Variants in SOX6 observed in about 807,000 individuals in gnomAD.
The protein encoded by SOX6 is transcription factor SOX-6.
Under a neutral mutation model 97.8 loss-of-function variants are expected in SOX6, and 11 were observed. That is an observed-to-expected ratio of 0.11 (90% CI 0.07 to 0.19). The LOEUF (loss-of-function observed/expected upper bound fraction) is 0.19, where lower values mean the gene tolerates loss of function less well. SOX6 is among the 10% of genes least tolerant of loss of function. The pLI, the probability that SOX6 is intolerant of heterozygous loss-of-function variation, is 1.00. For synonymous variants in SOX6, 360 were observed against 371.4 expected (o/e 0.97, Z 0.35); for missense variants, 810 against 1,039.5 (o/e 0.78, Z 3.04).
intron 11 of SOX6, among the ~76,000 whole-genome samples, chr11:16,047,702 G>A (rs767642338): frequency 1.7e-3 from 27 of 16,060 alleles, no homozygotes; most frequent in East Asian, 0.026. Flanking sequence ...ATTTCATAGC[G>A]TGTGTGTGTG....
intron 1 of SOX6, among the ~76,000 whole-genome samples, chr11:16,343,918 A>G (rs959298512): frequency 4.6e-5 from 7 of 151,950 alleles, no homozygotes; most frequent in Non-Finnish European, 8.8e-5. Context: ...TGCCAAAAAA[A>G]GCAATATTAA....
intron 6 of SOX6, among the ~76,000 whole-genome samples, chr11:16,129,775 A>G (rs1430679423): frequency 6.6e-6 from 1 of 152,154 alleles, no homozygotes; most frequent in African/African-American, 2.4e-5. Flanking sequence ...AATAACTTTC[A>G]GCAAATTTAA....
intron 4 of SOX6, among the ~76,000 whole-genome samples, chr11:16,489,583 TTAAC>T (rs1173802429): frequency 6.6e-6 from 1 of 152,122 alleles, no homozygotes; most frequent in Non-Finnish European, 1.5e-5. Flanking sequence ...CTGAGATAGA[TTAAC>T]TACTTTTTCC....
chr11:16,706,588 G>A lies in SOX6; in HGVS notation n.429+8242C>T, dbSNP rs1236317373. On this transcript the variant is annotated intron_variant and non_coding_transcript_variant, in intron 3 of 5. Coordinates refer to the SOX6 transcript ENST00000524520. ...AAAGGGCAGTGGAAAAAAGGGCCCA[G>A]CAAACATGCAGGAAAATGAGAAGCA... Among the ~76,000 whole-genome samples, 28 of 138,848 alleles carry A rather than the reference G, an allele frequency of 2.0e-4. 1 individual carries two copies. Among genetic ancestry groups the A allele is most frequent in the African/African-American group, 7.5e-4 (27 of 36,104 alleles). 91.1% of individuals were successfully genotyped at this position (138,848 alleles called of 152,430 possible).
chr11:16,016,408 G>A (rs1209448546), intron 12 of SOX6, among the ~76,000 whole-genome samples: 2 of 151,838 alleles, frequency 1.3e-5, no homozygotes, highest in African/African-American at 2.4e-5. Context: ...TTACAATCAC[G>A]AGTTTCCCTA....
intron 3 of SOX6, among the ~76,000 whole-genome samples, chr11:16,285,541 G>GTATA (rs1259684173): frequency 6.6e-6 from 1 of 151,842 alleles, no homozygotes; most frequent in African/African-American, 2.4e-5. Flanking sequence ...TCCCAAATAT[G>GTATA]TATATATATT....
chr11:16,330,804 C>T (rs1192348462), intron 2 of SOX6, among the ~76,000 whole-genome samples: 2 of 151,992 alleles, frequency 1.3e-5, no homozygotes, highest in East Asian at 3.9e-4. Flanking sequence ...CTGAGGAAAT[C>T]GAAGTCAGGA....
chr11:16,657,115 T>C (rs376827745), intron 3 of SOX6, among the ~76,000 whole-genome samples: 16 of 152,360 alleles, frequency 1.1e-4, no homozygotes, highest in African/African-American at 3.4e-4. Flanking sequence ...CTTTGCCTAT[T>C]CATTTCTCCA....
upstream of SOX6, among the ~76,000 whole-genome samples, chr11:16,477,891 A>G (rs914913955): frequency 6.6e-6 from 1 of 152,182 alleles, no homozygotes; most frequent in South Asian, 2.1e-4. Context: ...CAAGAAGTAC[A>G]GGACAGTCTG....
At chr11:16,337,302 T>C (rs907377312) in intron 2 of SOX6, among the ~76,000 whole-genome samples, 8 of 152,172 alleles carry the variant, frequency 5.3e-5, no homozygotes, top group African/African-American at 1.7e-4. Flanking sequence ...AAAAATTGTA[T>C]GTAATCTGCA....
chr11:16,418,715 G>A (rs1858971840), intron 1 of SOX6, among the ~76,000 whole-genome samples: 1 of 152,098 alleles, frequency 6.6e-6, no homozygotes, highest in East Asian at 1.9e-4. Flanking sequence ...GGGCCAGGGA[G>A]AGGGAGGGAA....
chr11:16,136,335 G>T (rs1338374135), intron 6 of SOX6, among the ~76,000 whole-genome samples: 1 of 134,124 alleles, frequency 7.5e-6, no homozygotes, highest in African/African-American at 2.7e-5. Context: ...TGTACATTGT[G>T]TGTGTGTGGT....
chr11:16,197,396 A>G (rs1461553730), intron 4 of SOX6, among the ~76,000 whole-genome samples: 2 of 152,200 alleles, frequency 1.3e-5, no homozygotes, highest in African/African-American at 4.8e-5. Flanking sequence ...TTATGTTTTT[A>G]TATAATCATA....
chr11:16,195,371 G>T (rs1851744289), intron 4 of SOX6, among the ~76,000 whole-genome samples: 1 of 152,158 alleles, frequency 6.6e-6, no homozygotes, highest in South Asian at 2.1e-4. Context: ...CTCACACTTA[G>T]AATACATAGT....
At chr11:16,323,881 A>G (rs1332434492) in intron 2 of SOX6, among the ~76,000 whole-genome samples, 1 of 152,000 alleles carries the variant, frequency 6.6e-6, no homozygotes, top group Admixed American at 6.6e-5. Flanking sequence ...TAATTATCAA[A>G]TATGTCAAAA....
intron 6 of SOX6, among the ~76,000 whole-genome samples, chr11:16,178,384 A>T (rs74626694): frequency 0.086 from 13,130 of 152,050 alleles, 608 homozygotes; most frequent in Middle Eastern, 0.11. Flanking sequence ...ATTAGATTAC[A>T]TAAAAGAAAT....
chr11:16,725,913 A>G (rs1158571083), intron 2 of SOX6, among the ~76,000 whole-genome samples: 1 of 152,252 alleles, frequency 6.6e-6, no homozygotes, highest in Non-Finnish European at 1.5e-5. Flanking sequence ...TAGATTTTTG[A>G]AACATGAATG....
chr11:16,291,633 T>A (rs1242161832), intron 3 of SOX6, among the ~76,000 whole-genome samples: 1 of 152,044 alleles, frequency 6.6e-6, no homozygotes, highest in Non-Finnish European at 1.5e-5. Flanking sequence ...CAGAATTTTG[T>A]CTATAAACAA....
intron 3 of SOX6, among the ~76,000 whole-genome samples, chr11:16,701,718 T>A (rs1358039588): frequency 7.6e-6 from 1 of 131,142 alleles, no homozygotes; most frequent in Non-Finnish European, 1.6e-5. Flanking sequence ...TAGCCAGGCG[T>A]GGTGGCCGGC....
Sources: gnomAD v4.1 joint callset for allele counts (sites outside exome capture counted in the v4.1 genomes callset) on GRCh38, gnomAD v4.1.1 for gene constraint, MANE v1.5 for transcripts, NCBI Gene and HGNC (gene_info 2026-07-23, HGNC 2026-07-21) for gene names.